The following ZNF444 variants were observed in gnomAD, a reference collection of about 807,000 sequenced individuals.
The protein encoded by ZNF444 is zinc finger protein 444, also known as endothelial zinc finger protein 2.
In ZNF444, 8 loss-of-function variants were observed where a neutral mutation model predicts 14.4. That is an observed-to-expected ratio of 0.56 (90% confidence interval 0.33 to 1.00). The LOEUF is 1.00. Among genes scored for constraint, ZNF444 ranks in the 50% least tolerant of loss-of-function variants. ZNF444 has a pLI of 0.03. For synonymous variants in ZNF444, 258 were observed against 235.9 expected, an observed-to-expected ratio of 1.09 and a Z score of -0.86; for missense variants, 510 against 504.8, an observed-to-expected ratio of 1.01 and a Z score of -0.10.
At chr19:56,152,028 G>C (rs2031612986) in intron 3 of ZNF444, 1 of 408,618 alleles carries the variant, frequency 2.4e-6, no homozygotes, top group Non-Finnish European at 4.9e-6. Context: ...AGCTCACCTG[G>C]AAACTTTTAA....
chr19:56,158,881 A>G (rs2032076174), intron 4 of ZNF444, among the ~76,000 whole-genome samples: 2 of 151,276 alleles, frequency 1.3e-5, no homozygotes, highest in Admixed American at 1.3e-4. Flanking sequence ...TCACCCATCC[A>G]TCCCTCTATC....
At chr19:56,140,066 A>G (rs549228756), upstream of ZNF444, among the ~76,000 whole-genome samples, 1 of 152,316 alleles carries the variant, frequency 6.6e-6, no homozygotes, top group African/African-American at 2.4e-5. Context: ...ACTGGTCACA[A>G]AGTTCTGAGT....
chr19:56,147,041 C>T lies in ZNF444; in HGVS notation c.130C>T (p.Leu44=). The change falls in exon 3 of 5, where the codon CTG becomes TTG. Residue 44 remains leucine, a synonymous_variant. Transcript: ENST00000337080. This position sits in a 1 kb window ranked among gnomAD's most constrained non-coding sequence, Gnocchi z 5.9. ...GGAGGCGCTGGGGCTGCTCCGCGCC[C>T]TGTGCCGGGACTGGCTGCGGCCCGA... is the stretch of plus-strand genomic sequence containing the variant. The part of the protein sequence containing the change: ...PREALGLLRA[L]CRDWLRPEVH... 2.6e-6 allele frequency: 4 copies of T among 1,546,368 alleles called. No homozygotes were observed. Among genetic ancestry groups the T allele is most frequent in the Non-Finnish European group, 3.5e-6 (4 of 1,153,234 alleles).
rs2032021380 is a variant in ZNF444, at chr19:56,158,127, A to ACC, written c.298-364_298-363dup. ...GTTATTTCTTGCTTCCTGACAAGTC[A>ACC]CCCCACACTCAGGGGTGTAAACAGT... On this transcript the variant is annotated intron_variant, in intron 3 of 4. Coordinates refer to ENST00000337080, the MANE Select transcript of ZNF444 (RefSeq NM_018337.4). 2.2e-5 allele frequency: 4 copies of ACC among 181,984 alleles called. No individual in the cohort carries two copies. In the South Asian group the frequency reaches 7.6e-4, roughly 34 times the overall value. 11.3% of individuals were successfully genotyped at this position (181,984 alleles called of 1,614,324 possible).
intron 3 of ZNF444, chr19:56,154,265 T>G (rs954840968): frequency 6.6e-6 from 1 of 152,206 alleles, no homozygotes; most frequent in African/African-American, 2.4e-5. Flanking sequence ...GCACTTTATG[T>G]GTAAGTTCTA....
chr19:56,154,595 A>AC (rs2031785929), intron 3 of ZNF444: 2 of 54,560 alleles, frequency 3.7e-5, no homozygotes, highest in Non-Finnish European at 7.8e-5. Flanking sequence ...CCCCACCCCC[A>AC]CCCCCAACCA....
At chr19:56,159,558 C>CCA in intron 4 of ZNF444, 66 bp from the exon 5 acceptor site, 8 of 1,360,748 alleles carry the variant, frequency 5.9e-6, no homozygotes, top group Non-Finnish European at 7.7e-6. Flanking sequence ...TGCCTCCACC[C>CCA]CAGCCTGTGC....
chr19:56,137,451 C>T (rs2030637533), upstream of ZNF444, among the ~76,000 whole-genome samples: 1 of 151,424 alleles, frequency 6.6e-6, no homozygotes, highest in Non-Finnish European at 1.5e-5. Flanking sequence ...GCCTGGGTGA[C>T]AGAGCGAGAC....
chr19:56,133,444 A>T (rs2030536079), intron 1 of ZNF444, among the ~76,000 whole-genome samples: 1 of 151,794 alleles, frequency 6.6e-6, no homozygotes, highest in Non-Finnish European at 1.5e-5. Flanking sequence ...TGGCCTTAAA[A>T]CCCGGGTCTC....
rs750574355 is a variant in ZNF444 at position 56,145,508 on chromosome 19, C to G, written c.-196-739C>G. 6.6e-6 allele frequency among the ~76,000 whole-genome samples: 1 copy of G among 152,044 alleles called. No individual in the cohort carries two copies. Among genetic ancestry groups the G allele is most frequent in the Non-Finnish European group, 1.5e-5 (1 of 68,012 alleles). On this transcript the variant is annotated intron_variant, in intron 1 of 4. Coordinates refer to ENST00000337080, the MANE Select transcript of ZNF444 (RefSeq NM_018337.4). This position sits in a 1 kb window ranked among gnomAD's most constrained non-coding sequence, Gnocchi z 4.3. ...GGATGAGGCAGGAGAATCGCTTGAC[C>G]CTGGGAGGCGGAGGTTGCAGTGAAC...
At chr19:56,135,611 G>C (rs1419622559) in intron 1 of ZNF444, among the ~76,000 whole-genome samples, 2 of 152,018 alleles carry the variant, frequency 1.3e-5, no homozygotes. Flanking sequence ...CAGGGCTCCA[G>C]GGCAACTGTT....
At position 56,159,874 on chromosome 19, in the gene ZNF444, G is replaced by C. The variant is rs2032171059; in HGVS notation, c.657G>C (p.Lys219Asn). 2.0e-6 allele frequency: 3 copies of C among 1,533,258 alleles called. No homozygotes were observed. Among genetic ancestry groups the C allele is most frequent in the African/African-American group, 1.4e-5 (1 of 71,984 alleles). The allele number at this position is 1,533,258 out of a possible 1,614,324, so 95.0% of individuals were successfully genotyped here. A position where few individuals can be genotyped will look rare whatever the true frequency, so the allele number is the denominator to read the frequency against. ...CPECGKAFRR[K>N]EHLRRHRDTH... ...AGTGCGGGAAGGCCTTTCGGCGCAA[G>C]GAGCACCTGCGGCGCCACCGCGACA... The change falls in exon 5 of 5, where the codon AAG becomes AAC. Residue 219 changes from lysine (K) to asparagine (N), a missense_variant. By Grantham distance (94) the Lys-to-Asn change is moderately conservative. Transcript: ENST00000337080.
chr19:56,158,127 A>T, intron 3 of ZNF444: 1 of 181,984 alleles, frequency 5.5e-6, no homozygotes, highest in Non-Finnish European at 1.1e-5. Context: ...CTGACAAGTC[A>T]CCCCACACTC....
intron 3 of ZNF444, among the ~76,000 whole-genome samples, chr19:56,152,919 A>C (rs867417071): frequency 2.6e-5 from 4 of 152,100 alleles, no homozygotes; most frequent in Non-Finnish European, 5.9e-5. Flanking sequence ...TCAACATAGA[A>C]TTTGAGAGGC....
chr19:56,160,109 C>T lies in ZNF444; in HGVS notation c.892C>T (p.Arg298Cys). 6.7e-7 allele frequency: 1 copy of T among 1,493,894 alleles called. No homozygotes were observed. Among genetic ancestry groups the T allele is most frequent in the Non-Finnish European group, 8.9e-7 (1 of 1,128,344 alleles). 92.5% of individuals were successfully genotyped at this position (1,493,894 alleles called of 1,614,324 possible). A position where few individuals can be genotyped will look rare whatever the true frequency, so the allele number is the denominator to read the frequency against. The change falls in exon 5 of 5, where the codon CGC becomes TGC. Residue 298 changes from arginine to cysteine, a missense_variant. Physicochemically the swap from Arg to Cys is radical, Grantham distance 180. Transcript: ENST00000337080. ...CCGCGAGCACGTGCTGCGCCACCAG[C>T]GCATCCACGGCCGGGCAGCGGCCAG... ...GRREHVLRHQRIHGRAAASAQ... is the reference protein window; with the variant it reads ...GRREHVLRHQCIHGRAAASAQ...
chr19:56,132,900 C>T (rs2030513328), intron 1 of ZNF444: 2 of 149,546 alleles, frequency 1.3e-5, no homozygotes, highest in African/African-American at 4.9e-5. Flanking sequence ...CTCAGAATGC[C>T]CTTCTTTTTT....
chr19:56,152,851 A>G (rs1280258106), intron 3 of ZNF444, among the ~76,000 whole-genome samples: 2 of 152,098 alleles, frequency 1.3e-5, no homozygotes, highest in Non-Finnish European at 2.9e-5. Context: ...CTCCCCCTTC[A>G]TGACCTAATC....
At chr19:56,138,792 C>CTTTTTTTTTTTTT (rs59273024), upstream of ZNF444, among the ~76,000 whole-genome samples, 1 of 92,846 alleles carries the variant, frequency 1.1e-5, no homozygotes, top group African/African-American at 4.5e-5. Context: ...CTTGAATGTA[C>CTTTTTTTTTTTTT]TTTTTTTTTT....
At chr19:56,151,980 A>T (rs1284089845) in intron 3 of ZNF444, 3 of 453,924 alleles carry the variant, frequency 6.6e-6, no homozygotes, top group South Asian at 1.6e-5. Context: ...AGGAGAGGAC[A>T]GCCGAGGAGA....
Sources: allele counts gnomAD v4.1 joint callset (sites outside exome capture counted in the v4.1 genomes callset), GRCh38; gene constraint gnomAD v4.1.1; non-coding constraint Gnocchi (gnomAD v3.1); transcripts MANE v1.5; gene names NCBI Gene and HGNC (gene_info 2026-07-23, HGNC 2026-07-21).